The following BCL11B variants were observed in gnomAD, a reference collection of about 807,000 sequenced individuals.
BCL11B encodes the protein BCL11 transcription factor B.
A neutral mutation model predicts 49.9 loss-of-function variants in BCL11B; 8 were observed. The ratio of observed to expected loss-of-function variants is 0.16; its 90% CI spans 0.09 to 0.29. The LOEUF is 0.29. Among genes scored for constraint, BCL11B ranks in the 10% least tolerant of loss-of-function variants. The probability of loss-of-function intolerance (pLI) is 1.00; values close to 1 mark genes in which losing one functional copy is unlikely to be tolerated. For missense variants in BCL11B, 1,006 were observed against 1,351.0 expected, an observed-to-expected ratio of 0.74 and a Z score of 4.00; for synonymous variants, 739 against 637.4, an observed-to-expected ratio of 1.16 and a Z score of -2.40.
chr14:99,176,028 C>G lies in BCL11B; in HGVS notation c.808G>C (p.Gly270Arg). ...GGGGACTGCGCCACGGCCTCCGGCC[C>G]GAGCGGCGGCGGGATGGTGAGCCGC... ...TPRLTIPPPL[G>R]PEAVAQSPLM... Residue 270 changes from glycine (G) to arginine (R), a missense_variant, in exon 4 of 4, where the codon GGG becomes CGG. This residue lies in a region of BCL11B where 411 missense variants were observed against 542.2 expected (regional missense o/e 0.76). Transcript: ENST00000357195. The G allele has an allele frequency of 6.3e-7, 1 of 1,579,402 alleles. No individual in the cohort carries two copies. The highest frequency in any genetic ancestry group is 8.6e-7 in the Non-Finnish European group (1 of 1,163,084).
chr14:99,203,407 C>T (rs1306696103), intron 3 of BCL11B, among the ~76,000 whole-genome samples: 1 of 152,128 alleles, frequency 6.6e-6, no homozygotes, highest in African/African-American at 2.4e-5. Flanking sequence ...CTGGGGCCAA[C>T]AGAACACTGA....
chr14:99,215,453 G>A (rs1037213235), intron 3 of BCL11B, among the ~76,000 whole-genome samples: 12 of 152,172 alleles, frequency 7.9e-5, no homozygotes, highest in Non-Finnish European at 1.8e-4. Flanking sequence ...GCAGAGAATC[G>A]GCTGGCCGTG....
rs1699944504 is a variant in BCL11B, at chr14:99,172,331, T to C, written c.*1820A>G. 1 of 225,386 alleles carries C rather than the reference T, an allele frequency of 4.4e-6. No individual in the cohort carries two copies. Among genetic ancestry groups the C allele is most frequent in the Non-Finnish European group, 8.9e-6 (1 of 112,950 alleles). 14.0% of individuals were successfully genotyped at this position (225,386 alleles called of 1,614,324 possible). A position where few individuals can be genotyped will look rare whatever the true frequency, so the allele number is the denominator to read the frequency against. The stretch of plus-strand genomic sequence containing the variant: ...TAATTCAGCTAATGGATGTCCAAGG[T>C]TGTGCTGGGTTTATTTCTTCATTTG... On this transcript the variant is annotated 3_prime_UTR_variant, in exon 4 of 4. Coordinates refer to ENST00000357195, the MANE Select transcript of BCL11B (RefSeq NM_138576.4).
Position 99,238,552 on chromosome 14 carries a change from A to T in BCL11B, c.428-6995T>A, listed in dbSNP as rs1318989989. ...GGACACTTCAATGTTGATGGGGAGG[A>T]AGGGCATCCCTCAGCCATCTTCTGT... On this transcript the variant is annotated intron_variant, in intron 2 of 3. Transcript: ENST00000357195. Among the ~76,000 whole-genome samples the T allele has an allele frequency of 3.9e-5, 6 of 152,150 alleles. No individual in the cohort carries two copies. In the East Asian group the frequency reaches 1.2e-3, roughly 29 times the overall value.
In BCL11B at chr14:99,173,906, T is replaced by C. The variant is rs764788704; in HGVS notation, c.*245A>G. The C allele has an allele frequency of 3.8e-6, 2 of 532,278 alleles. No individual in the cohort carries two copies. Among genetic ancestry groups the C allele is most frequent in the Admixed American group, 3.7e-5 (1 of 27,374 alleles). 33.0% of individuals were successfully genotyped at this position (532,278 alleles called of 1,614,324 possible). On this transcript the variant is annotated 3_prime_UTR_variant, in exon 4 of 4. Coordinates refer to ENST00000357195, the MANE Select transcript of BCL11B (RefSeq NM_138576.4). ...AAGTACCTGCACATGCCAAAAAAAT[T>C]ACAAAACCCAATAAATACAGAAATT...
Position 99,228,537 on chromosome 14 carries a change from A to C in BCL11B, c.640+2808T>G, listed in dbSNP as rs77792648. The stretch of plus-strand genomic sequence containing the variant: ...CAGTCCTAGGGGCTCAGCCTCCTGC[A>C]GTCCCAGCCCCAGGAACAGGACACT... On this transcript the variant is annotated intron_variant, in intron 3 of 3. Transcript: ENST00000357195. The surrounding 1 kb of genome is among the most constrained non-coding windows in gnomAD (Gnocchi z 4.8). Among the ~76,000 whole-genome samples the C allele has an allele frequency of 3.0e-4, 45 of 152,318 alleles. No individual in the cohort carries two copies. The East Asian group carries it at 8.5e-3, about 29-fold the overall frequency.
chr14:99,271,460 A>C lies in BCL11B; in HGVS notation c.-242T>G. On this transcript the variant is annotated 5_prime_UTR_variant, in exon 1 of 4. Coordinates refer to ENST00000357195, the MANE Select transcript of BCL11B (RefSeq NM_138576.4). ...GTTTTTTGTTTTGTTTGCAAAAAGA[A>C]AAAAAAGGGAAGAAAAGCAAGAAAA... 1 of 245,964 alleles carries C rather than the reference A, an allele frequency of 4.1e-6. No homozygotes were observed. The highest frequency in any genetic ancestry group is 8.0e-6 in the Non-Finnish European group (1 of 124,562). The allele number at this position is 245,964 out of a possible 1,614,324, so 15.2% of individuals were successfully genotyped here. A position where few individuals can be genotyped will look rare whatever the true frequency, so the allele number is the denominator to read the frequency against.
At chr14:99,221,109 G>A (rs1887995642) in intron 3 of BCL11B, among the ~76,000 whole-genome samples, 2 of 152,148 alleles carry the variant, frequency 1.3e-5, no homozygotes. Flanking sequence ...GCCTGCCTCA[G>A]CCTCCCAAAG....
At chr14:99,187,078 T>C (rs532283539) in intron 3 of BCL11B, among the ~76,000 whole-genome samples, 1 of 152,312 alleles carries the variant, frequency 6.6e-6, no homozygotes, top group South Asian at 2.1e-4. Context: ...TATGGCTGCA[T>C]GCACCCGAGA....
chr14:99,199,687 CGCGCGCGCGCACGT>C (rs1473845319), intron 3 of BCL11B, among the ~76,000 whole-genome samples: 22 of 58,890 alleles, frequency 3.7e-4, no homozygotes, highest in Admixed American at 3.6e-3. Context: ...TGTGTGTGCG[CGCGCGCGCGCACGT>C]GCACGTGTGT....
Position 99,232,619 on chromosome 14 carries a change from G to A in BCL11B, c.428-1062C>T, listed in dbSNP as rs1217797839. Among the ~76,000 whole-genome samples the A allele has an allele frequency of 6.6e-6, 1 of 152,184 alleles. No individual in the cohort carries two copies. Among genetic ancestry groups the A allele is most frequent in the African/African-American group, 2.4e-5 (1 of 41,436 alleles). The stretch of plus-strand genomic sequence containing the variant: ...CGTGGATTCCCCCATCGCAAGGAGA[G>A]CCACAGGACCCTGCAAGCCACCAGG... On this transcript the variant is annotated intron_variant, in intron 2 of 3. Coordinates refer to ENST00000357195, the MANE Select transcript of BCL11B (RefSeq NM_138576.4). The surrounding 1 kb of genome is among the most constrained non-coding windows in gnomAD (Gnocchi z 5.1).
rs1001288206 is a variant in BCL11B at position 99,184,882 on chromosome 14, G to A, written c.641-8687C>T. On this transcript the variant is annotated intron_variant, in intron 3 of 3. Transcript: ENST00000357195. The surrounding 1 kb of genome is among the most constrained non-coding windows in gnomAD (Gnocchi z 6.1). ...CCCCTGCAGCAGAGGTGAGCTGTGC[G>A]GCTTCATCTGCCTGGACTTAATTCA... is the stretch of plus-strand genomic sequence containing the variant. Among the ~76,000 whole-genome samples the A allele has an allele frequency of 2.2e-4, 33 of 152,306 alleles. No individual in the cohort carries two copies. Among genetic ancestry groups the A allele is most frequent in the Admixed American group, 1.0e-3 (16 of 15,296 alleles).
intron 3 of BCL11B, among the ~76,000 whole-genome samples, chr14:99,215,909 G>C (rs1244365065): frequency 1.3e-5 from 2 of 152,192 alleles, no homozygotes; most frequent in Admixed American, 6.5e-5. Flanking sequence ...CAGGGAAGTA[G>C]GGGCGAGACG....
intron 2 of BCL11B, among the ~76,000 whole-genome samples, chr14:99,246,044 G>A (rs1033799970): frequency 6.6e-6 from 1 of 152,190 alleles, no homozygotes; most frequent in African/African-American, 2.4e-5. Flanking sequence ...GTCCCGAGGC[G>A]GCTCCGATTC....
intron 3 of BCL11B, among the ~76,000 whole-genome samples, chr14:99,226,826 A>G (rs1030168634): frequency 2.6e-5 from 4 of 152,236 alleles, no homozygotes; most frequent in Non-Finnish European, 4.4e-5. Context: ...GTATTCTTTT[A>G]TCTTTATTGT....
At chr14:99,180,034 C>A (rs1446792393) in intron 3 of BCL11B, among the ~76,000 whole-genome samples, 1 of 152,184 alleles carries the variant, frequency 6.6e-6, no homozygotes, top group Non-Finnish European at 1.5e-5. Flanking sequence ...CCCTGGTGAG[C>A]AGGCTGCTTC....
chr14:99,169,579 G>A lies in BCL11B; in HGVS notation c.*4572C>T, dbSNP rs1886221933. The A allele has an allele frequency of 9.6e-6, 2 of 208,146 alleles. No homozygotes were observed. The highest frequency in any genetic ancestry group is 2.0e-5 in the Non-Finnish European group (2 of 102,000). 12.9% of individuals were successfully genotyped at this position (208,146 alleles called of 1,614,324 possible). On this transcript the variant is annotated 3_prime_UTR_variant, in exon 4 of 4. Transcript: ENST00000357195. The stretch of plus-strand genomic sequence containing the variant: ...AGCAATAATAAATAGTTCCAAACTT[G>A]TAGTAAAAGACAAAACCTCCAAGTA...
intron 3 of BCL11B, among the ~76,000 whole-genome samples, chr14:99,191,941 G>A (rs975211350): frequency 2.6e-5 from 4 of 152,150 alleles, no homozygotes; most frequent in Non-Finnish European, 4.4e-5. Flanking sequence ...CACTTATGTG[G>A]GGTGACGGGG....
chr14:99,215,793 T>C (rs1243263449), intron 3 of BCL11B, among the ~76,000 whole-genome samples: 2 of 152,250 alleles, frequency 1.3e-5, no homozygotes, highest in Non-Finnish European at 2.9e-5. Context: ...ACCATCACTT[T>C]GCACTTGACT....
Sources: allele counts gnomAD v4.1 joint callset (sites outside exome capture counted in the v4.1 genomes callset), GRCh38; gene constraint gnomAD v4.1.1; regional missense constraint gnomAD v4.1.1; non-coding constraint Gnocchi (gnomAD v3.1); transcripts MANE v1.5; gene names NCBI Gene and HGNC (gene_info 2026-07-23, HGNC 2026-07-21).